Variants in KSR2 observed in about 807,000 individuals in gnomAD.
KSR2 encodes the protein kinase suppressor of ras 2.
A neutral mutation model predicts 107.8 loss-of-function variants in KSR2; 25 were observed. The ratio of observed to expected loss-of-function variants is 0.23; its 90% CI spans 0.17 to 0.32. The LOEUF is 0.32. Ranked by LOEUF, KSR2 falls within the 10% of genes least tolerant of loss-of-function variation. KSR2 has a pLI of 1.00. For synonymous variants in KSR2, 480 were observed against 507.0 expected (o/e 0.95, Z 0.71); for missense variants, 887 against 1,268.9 (o/e 0.70, Z 4.57).
chr12:117,940,309 C>A (rs569196454), intron 1 of KSR2, among the ~76,000 whole-genome samples: 1 of 152,168 alleles, frequency 6.6e-6, no homozygotes, highest in South Asian at 2.1e-4. Flanking sequence ...TTATTCATAC[C>A]CCAGCAAACT....
At chr12:117,899,595 A>G (rs1174464964) in intron 1 of KSR2, among the ~76,000 whole-genome samples, 1 of 152,232 alleles carries the variant, frequency 6.6e-6, no homozygotes, top group Admixed American at 6.5e-5. Context: ...TTCTTCAAGG[A>G]GGCTGTGGTA....
chr12:117,819,103 A>C (rs775437302), intron 3 of KSR2, among the ~76,000 whole-genome samples: 8 of 152,004 alleles, frequency 5.3e-5, no homozygotes, highest in Non-Finnish European at 1.2e-4. Context: ...GAGCTCTATG[A>C]GATCAGGGGC....
chr12:117,932,615 A>G (rs1895724800), intron 1 of KSR2, among the ~76,000 whole-genome samples: 1 of 152,160 alleles, frequency 6.6e-6, no homozygotes, highest in South Asian at 2.1e-4. Flanking sequence ...CCAGCTACTC[A>G]GGAGGCTGAG....
chr12:117,565,518 T>C (rs1878428555), intron 7 of KSR2, among the ~76,000 whole-genome samples: 1 of 152,246 alleles, frequency 6.6e-6, no homozygotes, highest in Non-Finnish European at 1.5e-5. Flanking sequence ...TGAAAAGTAC[T>C]GAACATCTAG....
At chr12:117,735,572 TTAA>T (rs1241880372) in intron 4 of KSR2, among the ~76,000 whole-genome samples, 1 of 152,160 alleles carries the variant, frequency 6.6e-6, no homozygotes, top group African/African-American at 2.4e-5. Flanking sequence ...TTTTATCATG[TTAA>T]TAATAATAAC....
intron 17 of KSR2, among the ~76,000 whole-genome samples, chr12:117,472,753 G>A (rs1009658725): frequency 2.0e-5 from 3 of 152,202 alleles, no homozygotes; most frequent in Non-Finnish European, 2.9e-5. Flanking sequence ...AAAGATTATA[G>A]TTATCATAAG....
At chr12:117,791,190 A>C (rs1035378316) in intron 3 of KSR2, among the ~76,000 whole-genome samples, 1 of 152,008 alleles carries the variant, frequency 6.6e-6, no homozygotes, top group African/African-American at 2.4e-5. Context: ...AGCTCACCCC[A>C]GGGCCTTGTC....
chr12:117,888,837 T>C (rs933783062), intron 1 of KSR2, among the ~76,000 whole-genome samples: 4 of 152,186 alleles, frequency 2.6e-5, no homozygotes, highest in Admixed American at 2.6e-4. Flanking sequence ...GCAGCCCAAG[T>C]TGACTAAGTC....
At chr12:117,714,075 G>A (rs894910455) in intron 4 of KSR2, among the ~76,000 whole-genome samples, 2 of 151,948 alleles carry the variant, frequency 1.3e-5, no homozygotes, top group African/African-American at 4.8e-5. Context: ...GTGAGGGGGG[G>A]AGCAGCAGCT....
intron 5 of KSR2, among the ~76,000 whole-genome samples, chr12:117,607,247 T>A (rs1881326350): frequency 6.6e-6 from 1 of 152,178 alleles, no homozygotes. Flanking sequence ...CTAGTTTGCA[T>A]ATACAGGAAA....
intron 1 of KSR2, among the ~76,000 whole-genome samples, chr12:117,948,143 T>G (rs1040049146): frequency 5.3e-5 from 8 of 152,164 alleles, no homozygotes; most frequent in African/African-American, 1.9e-4. Flanking sequence ...TAGATTTGAC[T>G]GGTCAATTTT....
chr12:117,740,829 C>T (rs1196980520), intron 4 of KSR2, among the ~76,000 whole-genome samples: 1 of 151,944 alleles, frequency 6.6e-6, no homozygotes, highest in African/African-American at 2.4e-5. Context: ...CACACTCTGC[C>T]AGGTGATGAT....
intron 4 of KSR2, among the ~76,000 whole-genome samples, chr12:117,670,884 C>T (rs1884880335): frequency 6.6e-6 from 1 of 152,186 alleles, no homozygotes. Context: ...TGAACCCCTA[C>T]ACATACTCCA....
chr12:117,700,569 AT>A (rs767581541), intron 4 of KSR2, among the ~76,000 whole-genome samples: 24 of 152,228 alleles, frequency 1.6e-4, no homozygotes, highest in Admixed American at 1.3e-3. Context: ...TTATAAAAAA[AT>A]AATAAGTCAC....
rs544185760 is a variant in KSR2 at position 117,730,862 on chromosome 12, C to T, written c.986+30149G>A. On this transcript the variant is annotated intron_variant, in intron 4 of 19. Coordinates refer to ENST00000339824, the MANE Select transcript of KSR2 (RefSeq NM_173598.6). ...TGGCCTGATCTCGGCTCGCTACAAC[C>T]TCCACCTCCCAGCTGCCTGCCTTGG... 7.9e-5 allele frequency among the ~76,000 whole-genome samples: 12 copies of T among 152,310 alleles called. No homozygotes were observed. In the South Asian group the frequency reaches 1.7e-3, roughly 21 times the overall value.
At chr12:117,687,305 A>T (rs575021492) in intron 4 of KSR2, among the ~76,000 whole-genome samples, 50 of 152,270 alleles carry the variant, frequency 3.3e-4, no homozygotes, top group Admixed American at 9.8e-4. Context: ...ACCAGTGTGG[A>T]ATTTCTAATA....
chr12:117,801,012 G>T (rs1198313395), intron 3 of KSR2, among the ~76,000 whole-genome samples: 1 of 152,192 alleles, frequency 6.6e-6, no homozygotes, highest in Non-Finnish European at 1.5e-5. Context: ...GGGCATTTGG[G>T]TTGGTTCCGA....
intron 17 of KSR2, 132 bp downstream of exon 17, chr12:117,476,332 C>A: frequency 1.8e-6 from 2 of 1,136,730 alleles, no homozygotes; most frequent in Non-Finnish European, 2.4e-6. Flanking sequence ...TTCCTCCATT[C>A]TCACCCAAAA....
intron 4 of KSR2, among the ~76,000 whole-genome samples, chr12:117,758,822 C>T (rs1308648830): frequency 6.6e-6 from 1 of 152,112 alleles, no homozygotes; most frequent in African/African-American, 2.4e-5. Flanking sequence ...CAAGTTTCGC[C>T]TTACTAAGTG....
Sources: allele counts gnomAD v4.1 joint callset (sites outside exome capture counted in the v4.1 genomes callset), GRCh38; gene constraint gnomAD v4.1.1; transcripts MANE v1.5; gene names NCBI Gene and HGNC (gene_info 2026-07-23, HGNC 2026-07-21).